Variants in AKAP13 observed in about 807,000 individuals in gnomAD.
The protein encoded by AKAP13 is A-kinase anchoring protein 13.
A neutral mutation model predicts 264.5 loss-of-function variants in AKAP13; 80 were observed. That is an observed-to-expected ratio of 0.30 (90% CI 0.25 to 0.36). The LOEUF is 0.36. Ranked by LOEUF, AKAP13 falls within the 10% of genes least tolerant of loss-of-function variation. The pLI is 1.00. For missense variants in AKAP13, 3,712 were observed against 3,435.2 expected (o/e 1.08, Z -2.01); for synonymous variants, 1,380 against 1,250.2 (o/e 1.10, Z -2.19).
In AKAP13 at chr15:85,730,592, C is replaced by T; in HGVS notation, c.7167C>T (p.Cys2389=). 6.2e-7 allele frequency: 1 copy of T among 1,614,148 alleles called. No homozygotes were observed. Among genetic ancestry groups the T allele is most frequent in the Non-Finnish European group, 8.5e-7 (1 of 1,180,022 alleles). Residue 2389 remains cysteine, a synonymous_variant, in exon 30 of 37, where the codon TGC becomes TGT. Coordinates refer to ENST00000394518, the MANE Select transcript of AKAP13 (RefSeq NM_007200.5). ...KEMIFRDMAE[C]STPLPEDCSP... is the part of the protein sequence containing the mutation. ...TGATTTTCCGGGACATGGCTGAGTG[C>T]AGCACCCCTCTCCCAGAGGATTGCT...
intron 17 of AKAP13, among the ~76,000 whole-genome samples, chr15:85,694,496 A>T (rs1346780078): frequency 6.6e-6 from 1 of 152,274 alleles, no homozygotes; most frequent in East Asian, 1.9e-4. Flanking sequence ...TGAATTTCAT[A>T]AAATTTTTGT....
intron 11 of AKAP13, among the ~76,000 whole-genome samples, chr15:85,656,750 A>C (rs1223161463): frequency 6.6e-6 from 1 of 152,112 alleles, no homozygotes; most frequent in African/African-American, 2.4e-5. Context: ...GCCTGGCCTG[A>C]ATTTGACTTC....
At chr15:85,586,960 A>G (rs1414583472) in intron 8 of AKAP13, among the ~76,000 whole-genome samples, 2 of 152,206 alleles carry the variant, frequency 1.3e-5, no homozygotes, top group South Asian at 2.1e-4. Context: ...AAAAGGTTCA[A>G]TCAACATTTT....
At chr15:85,665,243 A>G (rs1596974106) in intron 13 of AKAP13, among the ~76,000 whole-genome samples, 1 of 152,218 alleles carries the variant, frequency 6.6e-6, no homozygotes, top group South Asian at 2.1e-4. Flanking sequence ...GTTAATCTGC[A>G]TAGATTTAAA....
intron 8 of AKAP13, among the ~76,000 whole-genome samples, chr15:85,624,884 C>T (rs1054621765): frequency 9.9e-5 from 15 of 152,206 alleles, no homozygotes; most frequent in African/African-American, 3.4e-4. Flanking sequence ...GGCTTCATGT[C>T]AGAAATTTCA....
intron 27 of AKAP13, among the ~76,000 whole-genome samples, chr15:85,726,715 A>G (rs970585694): frequency 5.9e-5 from 9 of 152,132 alleles, no homozygotes; most frequent in African/African-American, 2.2e-4. Context: ...ACATCTGACT[A>G]TTTGATCTAT....
At chr15:85,566,152 C>CT (rs1314809379) in intron 5 of AKAP13, among the ~76,000 whole-genome samples, 1 of 152,224 alleles carries the variant, frequency 6.6e-6, no homozygotes, top group Middle Eastern at 3.2e-3. Flanking sequence ...TATTTATACT[C>CT]TATTACAGTG....
intron 8 of AKAP13, among the ~76,000 whole-genome samples, chr15:85,606,603 G>T (rs2080358181): frequency 6.6e-6 from 1 of 152,232 alleles, no homozygotes; most frequent in Non-Finnish European, 1.5e-5. Flanking sequence ...TTCTAATGGA[G>T]TCAGAGGCAA....
chr15:85,728,309 A>T (rs1173816037), intron 29 of AKAP13, among the ~76,000 whole-genome samples: 2 of 152,254 alleles, frequency 1.3e-5, no homozygotes, highest in Non-Finnish European at 2.9e-5. Context: ...GTTAGGCCTT[A>T]AAGCCATACA....
chr15:85,408,310 T>C (rs2071772071), intron 1 of AKAP13, among the ~76,000 whole-genome samples: 1 of 151,802 alleles, frequency 6.6e-6, no homozygotes, highest in African/African-American at 2.4e-5. Flanking sequence ...TAAACACACA[T>C]ACCATAAAAT....
At chr15:85,610,805 C>G (rs901804789) in intron 8 of AKAP13, among the ~76,000 whole-genome samples, 1 of 151,728 alleles carries the variant, frequency 6.6e-6, no homozygotes, top group Admixed American at 6.6e-5. Flanking sequence ...GTGAAACTCC[C>G]CCGTCTCTAC....
At chr15:85,493,793 G>A (rs1596330789) in intron 2 of AKAP13, among the ~76,000 whole-genome samples, 1 of 152,146 alleles carries the variant, frequency 6.6e-6, no homozygotes, top group East Asian at 1.9e-4. Flanking sequence ...GTCCTAGACG[G>A]GGTAAGGGAC....
At chr15:85,520,171 T>TA (rs34250715) in intron 2 of AKAP13, among the ~76,000 whole-genome samples, 36,080 of 150,240 alleles carry the variant, frequency 0.24, 5,663 homozygotes, top group Middle Eastern at 0.41. Flanking sequence ...GGCCTTGATT[T>TA]AAAAAAAAAA....
rs531507111 is a variant in AKAP13 at position 85,697,568 on chromosome 15, CAA to C, written c.5464+4123_5464+4124del. On this transcript the variant is annotated intron_variant, in intron 17 of 36. Transcript: ENST00000394518. Reference sequence around the variant, plus strand: ...TGGGTGACATAGCGAGACTCCATCTCAAAAAAAGAAAGAAAATTACTAAAAGG... The same window carrying C: ...TGGGTGACATAGCGAGACTCCATCTCAAAAAGAAAGAAAATTACTAAAAGG... Among the ~76,000 whole-genome samples the C allele has an allele frequency of 6.6e-5, 10 of 151,310 alleles. No homozygotes were observed. The East Asian group carries it at 1.7e-3, about 26-fold the overall frequency.
At chr15:85,457,486 G>A (rs557466204) in intron 1 of AKAP13, among the ~76,000 whole-genome samples, 29 of 152,314 alleles carry the variant, frequency 1.9e-4, no homozygotes, top group African/African-American at 6.3e-4. Flanking sequence ...GCAGTGTACA[G>A]AATTGGAGCC....
intron 2 of AKAP13, chr15:85,520,711 T>C (rs763656379): frequency 7.7e-6 from 4 of 518,862 alleles, no homozygotes; most frequent in South Asian, 2.8e-5. Context: ...GTTAAAAATA[T>C]TATAGACCGA....
chr15:85,663,656 A>G (rs898294181), intron 12 of AKAP13, among the ~76,000 whole-genome samples: 12 of 152,186 alleles, frequency 7.9e-5, no homozygotes, highest in Non-Finnish European at 1.2e-4. Context: ...AGCTACAGCT[A>G]TGTTTCGAGA....
intron 1 of AKAP13, among the ~76,000 whole-genome samples, chr15:85,464,086 C>T (rs2074631584): frequency 6.6e-6 from 1 of 152,188 alleles, no homozygotes. Context: ...GATCACTCTT[C>T]CCTTTCCCAC....
At chr15:85,719,406 ATCT>A in intron 23 of AKAP13, 80 bp downstream of exon 23, 2 of 1,526,346 alleles carry the variant, frequency 1.3e-6, no homozygotes, top group East Asian at 2.3e-5. Flanking sequence ...ATGCATTCAC[ATCT>A]TCTTTCTACC....
Sources: allele counts gnomAD v4.1 joint callset (sites outside exome capture counted in the v4.1 genomes callset), GRCh38; gene constraint gnomAD v4.1.1; transcripts MANE v1.5; gene names NCBI Gene and HGNC (gene_info 2026-07-23, HGNC 2026-07-21).